The following C5orf46 variants were observed in gnomAD, a reference collection of about 807,000 sequenced individuals.
C5orf46 encodes the protein uncharacterized protein C5orf46.
In C5orf46, 9 loss-of-function variants were observed where a neutral mutation model predicts 8.9. That is an observed-to-expected ratio of 1.01 (90% CI 0.61 to 1.76). The LOEUF is 1.76. Ranked by LOEUF, C5orf46 falls within the 40% of genes most tolerant of loss-of-function variation. The pLI is 0.00. For missense variants in C5orf46, 98 were observed against 107.8 expected, an observed-to-expected ratio of 0.91 and a Z score of 0.40; for synonymous variants, 47 against 41.4, an observed-to-expected ratio of 1.14 and a Z score of -0.52.
chr5:147,900,766 G>A (rs74676459), intron 2 of C5orf46, among the ~76,000 whole-genome samples: 4 of 152,184 alleles, frequency 2.6e-5, no homozygotes, highest in African/African-American at 9.7e-5. Context: ...GATCTATATG[G>A]GAGAAAATTA....
intron 2 of C5orf46, chr5:147,887,165 T>C (rs1478946810): frequency 6.6e-6 from 1 of 152,186 alleles, no homozygotes; most frequent in Non-Finnish European, 1.5e-5. Flanking sequence ...CATTATTTTT[T>C]ATTTTAGAAA....
intron 1 of C5orf46, 92 bp from the exon 2 acceptor site, chr5:147,901,865 C>G: frequency 7.1e-7 from 1 of 1,404,896 alleles, no homozygotes; most frequent in South Asian, 1.4e-5. Flanking sequence ...CTTTCTGACC[C>G]ACTCACAAAT....
At position 147,895,980 on chromosome 5, in the gene C5orf46, G is replaced by C. The variant is rs114370007; in HGVS notation, c.*9+1004C>G. Among the ~76,000 whole-genome samples the C allele has an allele frequency of 4.2e-3, 642 of 152,198 alleles. 8 individuals are homozygous for C. Among genetic ancestry groups the C allele is most frequent in the African/African-American group, 0.013 (548 of 41,536 alleles). On this transcript the variant is annotated intron_variant, in intron 3 of 3. Coordinates refer to ENST00000318315, the MANE Select transcript of C5orf46 (RefSeq NM_206966.3). Reference sequence around the variant, plus strand: ...CCCAGGTTATGAAATGGAGCCAATGGGGAAAAGGAGCATTTCCAGACCAGA... The same window carrying C: ...CCCAGGTTATGAAATGGAGCCAATGCGGAAAAGGAGCATTTCCAGACCAGA...
At chr5:147,898,882 T>C (rs1032873525) in intron 2 of C5orf46, among the ~76,000 whole-genome samples, 3 of 152,096 alleles carry the variant, frequency 2.0e-5, no homozygotes, top group Non-Finnish European at 4.4e-5. Flanking sequence ...CAAAAGCAAG[T>C]GGAGAGAACA....
intron 2 of C5orf46, among the ~76,000 whole-genome samples, chr5:147,898,697 G>T (rs538683343): frequency 5.9e-4 from 90 of 152,186 alleles, no homozygotes; most frequent in African/African-American, 2.1e-3. Flanking sequence ...CAAATAAAAA[G>T]AATGAGAAAG....
At chr5:147,904,068 T>C (rs918710850) in intron 1 of C5orf46, among the ~76,000 whole-genome samples, 11 of 151,438 alleles carry the variant, frequency 7.3e-5, no homozygotes, top group African/African-American at 2.7e-4. Flanking sequence ...ATTATGTGCA[T>C]AGTTATGCTA....
Position 147,901,652 on chromosome 5 carries a change from G to A in C5orf46, c.192C>T (p.Ile64=). Residue 64 remains isoleucine (I), a synonymous_variant, in exon 2 of 4, where the codon ATC becomes ATT. Transcript: ENST00000318315. The part of the protein sequence containing the change: ...TEIIENAVEF[I]LRSMSRSTGF... ...ACGTGCTCCTGGACATGGAGCGGAG[G>A]ATGAACTCGACTGCATTCTCAATGA... 1.9e-6 allele frequency: 3 copies of A among 1,614,002 alleles called. No individual in the cohort carries two copies. The highest frequency in any genetic ancestry group is 2.5e-6 in the Non-Finnish European group (3 of 1,179,926).
At chr5:147,891,436 A>G (rs1043456465), downstream of C5orf46, among the ~76,000 whole-genome samples, 3 of 152,168 alleles carry the variant, frequency 2.0e-5, no homozygotes, top group African/African-American at 4.8e-5. Flanking sequence ...CAAAATCTCT[A>G]TAGATCGTTG....
downstream of C5orf46, among the ~76,000 whole-genome samples, chr5:147,890,674 C>CGAAAGT (rs1022403503): frequency 6.6e-6 from 1 of 151,638 alleles, no homozygotes; most frequent in Non-Finnish European, 1.5e-5. Context: ...GGCCACCTCG[C>CGAAAGT]GAAAGAGTAA....
Position 147,901,722 on chromosome 5 carries a change from G to T in C5orf46, c.122C>A (p.Pro41Gln). The T allele has an allele frequency of 2.5e-6, 4 of 1,614,040 alleles. No homozygotes were observed. Among genetic ancestry groups the T allele is most frequent in the Non-Finnish European group, 3.4e-6 (4 of 1,179,988 alleles). Residue 41 changes from proline (P) to glutamine (Q), a missense_variant, in exon 2 of 4, where the codon CCA (proline) becomes CAA (glutamine). Physicochemically the swap from Pro to Gln is moderately conservative, Grantham distance 76. Coordinates refer to ENST00000318315, the MANE Select transcript of C5orf46 (RefSeq NM_206966.3). Reference protein sequence around the residue: ...DDKPDDSGKDPKPDFPKFLSL... With the variant: ...DDKPDDSGKDQKPDFPKFLSL... ...TAGGAATTTGGGGAAGTCTGGCTTT[G>T]GGTCTTTGCCCGAGTCGTCTGGCTT...
At chr5:147,889,649 T>C (rs1368915829), downstream of C5orf46, among the ~76,000 whole-genome samples, 1 of 152,108 alleles carries the variant, frequency 6.6e-6, no homozygotes, top group Admixed American at 6.6e-5. Context: ...GAACATAAAA[T>C]AAAATTAATT....
chr5:147,894,795 C>T (rs1349148299), intron 3 of C5orf46, among the ~76,000 whole-genome samples: 1 of 150,822 alleles, frequency 6.6e-6, no homozygotes, highest in East Asian at 1.9e-4. Flanking sequence ...GGAATGGTGG[C>T]TCACACCTGT....
intron 1 of C5orf46, among the ~76,000 whole-genome samples, chr5:147,905,240 A>G (rs1326703215): frequency 6.6e-6 from 1 of 152,120 alleles, no homozygotes; most frequent in African/African-American, 2.4e-5. Context: ...AGTATTGCTG[A>G]TATTTGTAGA....
chr5:147,893,871 A>C (rs1757541886), intron 3 of C5orf46, among the ~76,000 whole-genome samples: 1 of 152,114 alleles, frequency 6.6e-6, no homozygotes, highest in Admixed American at 6.5e-5. Context: ...TAAATCTTAT[A>C]AGCAGAAAAG....
intron 2 of C5orf46, chr5:147,886,753 C>G (rs1044264945): frequency 1.3e-5 from 2 of 150,172 alleles, no homozygotes; most frequent in African/African-American, 4.8e-5. Context: ...TATATTGTTT[C>G]TAATATCTAA....
intron 3 of C5orf46, among the ~76,000 whole-genome samples, chr5:147,895,606 C>T (rs1035457205): frequency 6.6e-6 from 1 of 152,138 alleles, no homozygotes; most frequent in African/African-American, 2.4e-5. Flanking sequence ...GTGGCCTTGC[C>T]TATTAGACTA....
At position 147,906,526 on chromosome 5, in the gene C5orf46, A is replaced by C. The variant is rs1454233078; in HGVS notation, c.-25T>G. On this transcript the variant is annotated 5_prime_UTR_variant, in exon 1 of 4. Transcript: ENST00000318315. ...TTCTGGTAGCACGGGGTATTCGTGC[A>C]GATAAATTGTTCAGATACATGTGAA... is the stretch of plus-strand genomic sequence containing the variant. The C allele has an allele frequency of 6.4e-7, 1 of 1,564,504 alleles. No individual in the cohort carries two copies. Among genetic ancestry groups the C allele is most frequent in the Non-Finnish European group, 8.8e-7 (1 of 1,136,440 alleles).
intron 3 of C5orf46, among the ~76,000 whole-genome samples, chr5:147,895,395 T>C (rs1170736316): frequency 6.6e-6 from 1 of 152,234 alleles, no homozygotes; most frequent in African/African-American, 2.4e-5. Flanking sequence ...TTAGGTTGGT[T>C]CATGCATCAA....
intron 3 of C5orf46, among the ~76,000 whole-genome samples, chr5:147,894,270 T>G (rs1214938123): frequency 6.6e-6 from 1 of 152,128 alleles, no homozygotes; most frequent in African/African-American, 2.4e-5. Context: ...TCAAATGACT[T>G]AAGACACAAA....
Sources: allele counts gnomAD v4.1 joint callset (sites outside exome capture counted in the v4.1 genomes callset), GRCh38; gene constraint gnomAD v4.1.1; transcripts MANE v1.5; gene names NCBI Gene and HGNC (gene_info 2026-07-23, HGNC 2026-07-21).